Variants in ENTREP2 observed in about 807,000 individuals in gnomAD.
ENTREP2 encodes the protein protein ENTREP2.
chr15:29,478,021 T>TATTTATATATA, the ENTREP2 span, among the ~76,000 whole-genome samples: 2 of 92,488 alleles, frequency 2.2e-5, no homozygotes, highest in African/African-American at 9.1e-5. Flanking sequence ...ATATATATAT[T>TATTTATATATA]TTTTTTTTTT....
chr15:29,188,591 A>G, the ENTREP2 span, among the ~76,000 whole-genome samples: 28 of 152,156 alleles, frequency 1.8e-4, 1 homozygote, highest in Admixed American at 1.5e-3. Context: ...ACATGAACTC[A>G]TTCTTTTTTT....
At chr15:29,604,918 C>T in the ENTREP2 span, among the ~76,000 whole-genome samples, 392 of 152,302 alleles carry the variant, frequency 2.6e-3, 3 homozygotes, top group South Asian at 4.6e-3. Flanking sequence ...TGGGCACCTG[C>T]AGGTGGTGCT....
At chr15:29,250,254 T>C in the ENTREP2 span, among the ~76,000 whole-genome samples, 2 of 152,150 alleles carry the variant, frequency 1.3e-5, no homozygotes, top group African/African-American at 2.4e-5. Flanking sequence ...GCTGCACACA[T>C]TGCCCCCAAG....
At chr15:29,498,863 G>A in the ENTREP2 span, among the ~76,000 whole-genome samples, 2,056 of 152,108 alleles carry the variant, frequency 0.014, 38 homozygotes, top group African/African-American at 0.047. Context: ...TGATTATTGT[G>A]TCCTCTTAAT....
At chr15:29,284,454 G>C in the ENTREP2 span, among the ~76,000 whole-genome samples, 2,699 of 151,686 alleles carry the variant, frequency 0.018, 52 homozygotes, top group Non-Finnish European at 0.027. Context: ...CTACTCAGGA[G>C]GATGAGGCAG....
At chr15:29,400,704 A>G in the ENTREP2 span, among the ~76,000 whole-genome samples, 4 of 152,248 alleles carry the variant, frequency 2.6e-5, no homozygotes, top group Non-Finnish European at 5.9e-5. Flanking sequence ...TTTAAGACAT[A>G]ATAGAAACAA....
chr15:29,166,860 C>T, the ENTREP2 span, among the ~76,000 whole-genome samples: 1 of 152,082 alleles, frequency 6.6e-6, no homozygotes, highest in East Asian at 1.9e-4. Context: ...CCCACATAGC[C>T]AAAGCAAGAC....
chr15:29,540,680 T>A, the ENTREP2 span, among the ~76,000 whole-genome samples: 2 of 152,238 alleles, frequency 1.3e-5, no homozygotes, highest in East Asian at 3.8e-4. Flanking sequence ...CTTGACAGCA[T>A]AATTGATCAT....
At chr15:29,442,638 T>G in the ENTREP2 span, among the ~76,000 whole-genome samples, 24 of 152,108 alleles carry the variant, frequency 1.6e-4, no homozygotes, top group Admixed American at 5.9e-4. Context: ...TTCCTCTCAT[T>G]CCCTCGAGAG....
the ENTREP2 span, among the ~76,000 whole-genome samples, chr15:29,321,116 G>C: frequency 6.6e-6 from 1 of 151,982 alleles, no homozygotes; most frequent in Admixed American, 6.6e-5. Flanking sequence ...ACCCAAACAG[G>C]ATAACTATCA....
At chr15:29,380,634 T>C in the ENTREP2 span, among the ~76,000 whole-genome samples, 2 of 152,088 alleles carry the variant, frequency 1.3e-5, no homozygotes, top group Non-Finnish European at 2.9e-5. Context: ...TTAACCTCTC[T>C]CCATCTCCCG....
the ENTREP2 span, among the ~76,000 whole-genome samples, chr15:29,175,494 T>G: frequency 6.6e-6 from 1 of 152,220 alleles, no homozygotes; most frequent in Non-Finnish European, 1.5e-5. Context: ...CTAAAGATTA[T>G]GAGACGCCCA....
chr15:29,507,457 C>A, the ENTREP2 span, among the ~76,000 whole-genome samples: 1 of 152,188 alleles, frequency 6.6e-6, no homozygotes, highest in Non-Finnish European at 1.5e-5. Flanking sequence ...AGTATACATT[C>A]TTCCCAGGAC....
the ENTREP2 span, among the ~76,000 whole-genome samples, chr15:29,311,580 C>T: frequency 6.6e-6 from 1 of 152,058 alleles, no homozygotes; most frequent in Non-Finnish European, 1.5e-5. Flanking sequence ...ATCCCAGCTA[C>T]TCAGGAGGCT....
the ENTREP2 span, among the ~76,000 whole-genome samples, chr15:29,447,985 G>A: frequency 6.6e-6 from 1 of 152,056 alleles, no homozygotes; most frequent in African/African-American, 2.4e-5. Context: ...AGAATCACTT[G>A]AACCCGGGAC....
chr15:29,596,673 T>A, the ENTREP2 span, among the ~76,000 whole-genome samples: 4 of 152,268 alleles, frequency 2.6e-5, no homozygotes, highest in African/African-American at 7.2e-5. Flanking sequence ...ATTTTTATTT[T>A]TTTATTTTTT....
chr15:29,331,969 T>C, the ENTREP2 span, among the ~76,000 whole-genome samples: 1 of 152,196 alleles, frequency 6.6e-6, no homozygotes, highest in Admixed American at 6.5e-5. Flanking sequence ...GAATTTTCTC[T>C]GTGAACCTCT....
At chr15:29,605,694 G>A in the ENTREP2 span, among the ~76,000 whole-genome samples, 1 of 141,236 alleles carries the variant, frequency 7.1e-6, no homozygotes, top group African/African-American at 2.8e-5. Flanking sequence ...AAACTAGCTG[G>A]GCATGATGGG....
At chr15:29,488,186 A>G in the ENTREP2 span, among the ~76,000 whole-genome samples, 262 of 152,362 alleles carry the variant, frequency 1.7e-3, 1 homozygote, top group Non-Finnish European at 3.1e-3. Flanking sequence ...GGAAATCAGG[A>G]TAAGAATGTA....
Sources: gnomAD v4.1 joint callset for allele counts (sites outside exome capture counted in the v4.1 genomes callset) on GRCh38, gnomAD v4.1.1 for gene constraint, MANE v1.5 for transcripts, NCBI Gene and HGNC (gene_info 2026-07-23, HGNC 2026-07-21) for gene names.